Variants in RASA3 observed in about 807,000 individuals in gnomAD.
RASA3 encodes ras GTPase-activating protein 3.
In RASA3, 73 loss-of-function variants were observed where a neutral mutation model predicts 110.0. The observed-to-expected ratio is 0.66, with a 90% confidence interval of 0.55 to 0.81. The LOEUF is 0.81. Ranked by LOEUF, RASA3 falls within the 30% of genes least tolerant of loss-of-function variation. RASA3 has a pLI of 0.00. For synonymous variants in RASA3, 500 were observed against 451.4 expected (o/e 1.11, Z -1.37); for missense variants, 976 against 1,113.2 (o/e 0.88, Z 1.75).
Position 114,112,349 on chromosome 13 carries a change from C to T in RASA3, c.55+20086G>A, listed in dbSNP as rs2080230402. ...AACCTGGCCGGGTGGAGGATTTCTA[C>T]CACGAGAAAGTCAGGGCCCTCCCCG... On this transcript the variant is annotated intron_variant, in intron 1 of 23. Transcript: ENST00000334062. The surrounding 1 kb of genome is among the most constrained non-coding windows in gnomAD (Gnocchi z 4.8). 6.6e-6 allele frequency among the ~76,000 whole-genome samples: 1 copy of T among 152,208 alleles called. No homozygotes were observed. The highest frequency in any genetic ancestry group is 2.1e-4 in the South Asian group (1 of 4,834).
At position 114,024,258 on chromosome 13, in the gene RASA3, CG is replaced by C; in HGVS notation, c.680+20del. On this transcript the variant is annotated intron_variant, in intron 8 of 23. Transcript: ENST00000334062. The stretch of plus-strand genomic sequence containing the variant: ...TGGGTGAAAACTGCCAAGTTGGGGA[CG>C]CGGAGCCTGGTTTTCTCACCTGATT... 3 of 1,611,862 alleles carry C rather than the reference CG, an allele frequency of 1.9e-6. No homozygotes were observed. Among genetic ancestry groups the C allele is most frequent in the Non-Finnish European group, 2.5e-6 (3 of 1,178,068 alleles).
At chr13:114,071,386 TC>T (rs2079570286) in intron 2 of RASA3, among the ~76,000 whole-genome samples, 1 of 152,284 alleles carries the variant, frequency 6.6e-6, no homozygotes, top group South Asian at 2.1e-4. Flanking sequence ...CAGATTCTCC[TC>T]CCACTGGCTC....
At chr13:113,997,389 C>T (rs950683008) in intron 20 of RASA3, among the ~76,000 whole-genome samples, 5 of 151,994 alleles carry the variant, frequency 3.3e-5, no homozygotes, top group Non-Finnish European at 5.9e-5. Context: ...AAAGACTAAA[C>T]GAGGGCAGGT....
chr13:114,060,191 C>A (rs1361666384), intron 2 of RASA3, among the ~76,000 whole-genome samples: 4 of 152,204 alleles, frequency 2.6e-5, no homozygotes, highest in Admixed American at 2.0e-4. Context: ...GCTGACGTGG[C>A]CTGGGCAGGG....
chr13:114,019,514 A>G (rs1051861767), intron 9 of RASA3, among the ~76,000 whole-genome samples: 5 of 146,678 alleles, frequency 3.4e-5, no homozygotes, highest in African/African-American at 1.3e-4. Flanking sequence ...CGCCCCCATC[A>G]GGTGGGTGGA....
intron 1 of RASA3, among the ~76,000 whole-genome samples, chr13:114,123,587 A>T (rs147784115): frequency 6.4e-4 from 98 of 152,322 alleles, no homozygotes; most frequent in African/African-American, 2.3e-3. Context: ...AAGCTCCAGG[A>T]AGACACAACA....
intron 1 of RASA3, among the ~76,000 whole-genome samples, chr13:114,116,575 A>G (rs1233366835): frequency 7.5e-6 from 1 of 132,584 alleles, no homozygotes; most frequent in African/African-American, 2.6e-5. Flanking sequence ...TTTATTTGTA[A>G]TGATAAAAGT....
Position 113,981,576 on chromosome 13 carries a change from C to G in RASA3, c.2429+99G>C. ...CTCCTCCCAGGCGGACACCTGAGCA[C>G]GGGCGGCCCCACCCGGGAGCTCCCT... On this transcript the variant is annotated intron_variant, in intron 23 of 23. Coordinates refer to ENST00000334062, the MANE Select transcript of RASA3 (RefSeq NM_007368.4). 2.9e-6 allele frequency: 4 copies of G among 1,367,042 alleles called. No individual in the cohort carries two copies. In the South Asian group the frequency reaches 5.2e-5, roughly 18 times the overall value. The allele number at this position is 1,367,042 out of a possible 1,614,324, so 84.7% of individuals were successfully genotyped here. A position where few individuals can be genotyped will look rare whatever the true frequency, so the allele number is the denominator to read the frequency against.
intron 11 of RASA3, 122 bp downstream of exon 11, chr13:114,017,981 TG>T: frequency 8.9e-7 from 1 of 1,129,380 alleles, no homozygotes. Flanking sequence ...TGAATCAACA[TG>T]GTTTCTGGGG....
chr13:114,042,238 C>T (rs1388462913), intron 3 of RASA3, among the ~76,000 whole-genome samples: 1 of 150,840 alleles, frequency 6.6e-6, no homozygotes, highest in African/African-American at 2.4e-5. Context: ...ATCTCCCATC[C>T]TGCGTCCCTT....
At chr13:114,021,376 G>A in intron 9 of RASA3, 28 bp downstream of exon 9, 1 of 1,597,736 alleles carries the variant, frequency 6.3e-7, no homozygotes, top group Non-Finnish European at 8.6e-7. Context: ...CAGAGATGCG[G>A]AAGTCTGCAG....
chr13:114,024,222 G>T, intron 8 of RASA3, 57 bp downstream of exon 8: 1 of 1,461,018 alleles, frequency 6.8e-7, no homozygotes, highest in Non-Finnish European at 9.6e-7. Flanking sequence ...GAACAAAAGA[G>T]CTGAGGAGTT....
chr13:114,027,217 C>T (rs549914079), intron 7 of RASA3, among the ~76,000 whole-genome samples, 172 bp downstream of exon 7: 3 of 149,476 alleles, frequency 2.0e-5, no homozygotes, highest in East Asian at 2.0e-4. Flanking sequence ...CAGGGCCGGC[C>T]GGCGGGGCTC....
rs1046184798 is a variant in RASA3 at position 114,128,927 on chromosome 13, CT to C, written c.55+3507del. On this transcript the variant is annotated intron_variant, in intron 1 of 23. Coordinates refer to ENST00000334062, the MANE Select transcript of RASA3 (RefSeq NM_007368.4). ...TTCCCGCCCTGGACCGCGGGGCTGG[CT>C]TTTTTTTTTTCTGTAACAGATTGAG... 4.4e-3 allele frequency among the ~76,000 whole-genome samples: 654 copies of C among 147,944 alleles called. 3 individuals carry two copies. Among genetic ancestry groups the C allele is most frequent in the African/African-American group, 0.014 (584 of 40,720 alleles).
chr13:114,098,058 C>T (rs2079968989), intron 1 of RASA3, among the ~76,000 whole-genome samples: 1 of 152,170 alleles, frequency 6.6e-6, no homozygotes, highest in African/African-American at 2.4e-5. Flanking sequence ...GGCTACAGCC[C>T]CCATCCAGGC....
chr13:114,119,096 G>C (rs74116494), intron 1 of RASA3, among the ~76,000 whole-genome samples: 3 of 76,868 alleles, frequency 3.9e-5, no homozygotes, highest in African/African-American at 5.1e-5. Flanking sequence ...TCTTTTCCCC[G>C]GCCTGGGAAG....
At chr13:114,054,680 G>A (rs776271906) in intron 2 of RASA3, among the ~76,000 whole-genome samples, 6 of 152,214 alleles carry the variant, frequency 3.9e-5, no homozygotes, top group Non-Finnish European at 7.3e-5. Flanking sequence ...GTTGTTTTAA[G>A]CATTTTGGAA....
rs1555343906 is a variant in RASA3 at position 114,112,099 on chromosome 13, A to ACACC, written c.55+20335_55+20336insGGTG. Among the ~76,000 whole-genome samples, 1 of 149,176 alleles carries ACACC rather than the reference A, an allele frequency of 6.7e-6. No individual in the cohort carries two copies. Among genetic ancestry groups the ACACC allele is most frequent in the Non-Finnish European group, 1.5e-5 (1 of 67,156 alleles). The stretch of plus-strand genomic sequence containing the variant: ...TCCCTGGAAACAGCAGCCCCCAGGC[A>ACACC]CCCCCCCCAGCAACTGGGACAAGGG... On this transcript the variant is annotated intron_variant, in intron 1 of 23. Transcript: ENST00000334062. The surrounding 1 kb of genome is among the most constrained non-coding windows in gnomAD (Gnocchi z 4.8).
chr13:114,087,705 C>T (rs1411696831), intron 1 of RASA3, among the ~76,000 whole-genome samples: 1 of 152,234 alleles, frequency 6.6e-6, no homozygotes, highest in Non-Finnish European at 1.5e-5. Context: ...AGCAGGGCGC[C>T]CGCCCGACAC....
Sources: gnomAD v4.1 joint callset for allele counts (sites outside exome capture counted in the v4.1 genomes callset) on GRCh38, gnomAD v4.1.1 for gene constraint, Gnocchi (gnomAD v3.1) non-coding constraint, MANE v1.5 for transcripts, NCBI Gene and HGNC (gene_info 2026-07-23, HGNC 2026-07-21) for gene names.